The following FAAH2 variants were observed in gnomAD, a reference collection of about 807,000 sequenced individuals.
FAAH2 encodes fatty acid amide hydrolase 2.
In FAAH2, 60 loss-of-function variants were observed where a neutral mutation model predicts 36.9. The ratio of observed to expected loss-of-function variants is 1.63; its 90% CI spans 1.32 to 2.02. The LOEUF (loss-of-function observed/expected upper bound fraction) is 2.02, where lower values mean the gene tolerates loss of function less well. Among genes scored for constraint, FAAH2 ranks in the 30% most tolerant of loss-of-function variants. The probability of loss-of-function intolerance (pLI) is 0.00; values close to 1 mark genes in which losing one functional copy is unlikely to be tolerated. For synonymous variants in FAAH2, 214 were observed against 143.8 expected, an observed-to-expected ratio of 1.49 and a Z score of -3.49; for missense variants, 689 against 397.5, an observed-to-expected ratio of 1.73 and a Z score of -6.23.
intron 10 of FAAH2, among the ~76,000 whole-genome samples, chrX:57,485,035 A>G (rs1026450675): frequency 2.7e-5 from 3 of 111,856 alleles, no homozygotes; most frequent in African/African-American, 6.5e-5. Context: ...GCTCTCCAAG[A>G]GGCTCTGGGC....
chrX:57,372,941 C>T lies in FAAH2; in HGVS notation c.743-5710C>T, dbSNP rs1835694. Among the ~76,000 whole-genome samples, 9 of 110,674 alleles carry T rather than the reference C, an allele frequency of 8.1e-5. No individual in the cohort carries two copies. In the East Asian group the frequency reaches 2.6e-3, roughly 32 times the overall value. Reference sequence around the variant, plus strand: ...TTCTTATGCCTTTACATCCTCATAGCTTAGCTTCCACGTATGAGTGAAAAC... The same window carrying T: ...TTCTTATGCCTTTACATCCTCATAGTTTAGCTTCCACGTATGAGTGAAAAC... On this transcript the variant is annotated intron_variant, in intron 5 of 10. Coordinates refer to ENST00000374900, the MANE Select transcript of FAAH2 (RefSeq NM_174912.4).
At chrX:57,228,591 G>A in the FAAH2 span, among the ~76,000 whole-genome samples, 2 of 111,299 alleles carry the variant, frequency 1.8e-5, no homozygotes, top group Admixed American at 1.9e-4. Context: ...TCGATCTGGA[G>A]CTAAAATTCA....
chrX:57,325,175 C>A (rs1049384727), intron 3 of FAAH2, among the ~76,000 whole-genome samples: 2 of 111,894 alleles, frequency 1.8e-5, no homozygotes, highest in Non-Finnish European at 3.8e-5. Context: ...AGCCTTGCAT[C>A]CCAGGGATGA....
chrX:57,204,149 G>A, the FAAH2 span, among the ~76,000 whole-genome samples: 2 of 111,142 alleles, frequency 1.8e-5, no homozygotes, highest in Middle Eastern at 4.7e-3. Flanking sequence ...CGCCACCTCT[G>A]CCTGTTCTGC....
intron 3 of FAAH2, among the ~76,000 whole-genome samples, chrX:57,311,833 G>A (rs951770658): frequency 4.5e-5 from 5 of 112,042 alleles, no homozygotes; most frequent in African/African-American, 1.3e-4. Flanking sequence ...CCCTAGCACA[G>A]GCAGAACTGA....
chrX:57,216,508 A>G, the FAAH2 span, among the ~76,000 whole-genome samples: 13 of 61,196 alleles, frequency 2.1e-4, no homozygotes, highest in African/African-American at 1.2e-3. Context: ...ATATGTATAT[A>G]TATATATATA....
At chrX:57,319,321 A>G (rs1435095872) in intron 3 of FAAH2, among the ~76,000 whole-genome samples, 1 of 112,251 alleles carries the variant, frequency 8.9e-6, no homozygotes, top group Non-Finnish European at 1.9e-5. Flanking sequence ...ACTTCAGCAA[A>G]GTCTCAGGAT....
intron 8 of FAAH2, among the ~76,000 whole-genome samples, chrX:57,444,031 G>C (rs1398236348): frequency 1.8e-5 from 2 of 112,065 alleles, no homozygotes; most frequent in African/African-American, 6.5e-5. Context: ...ACTGGGAGCT[G>C]TCTCCCAGTT....
intron 7 of FAAH2, among the ~76,000 whole-genome samples, chrX:57,401,259 T>C (rs1435578952): frequency 1.8e-5 from 2 of 112,004 alleles, no homozygotes; most frequent in Middle Eastern, 4.2e-3. Flanking sequence ...CTGGCTCAAA[T>C]CTTGGGCTAG....
At chrX:57,309,435 A>G (rs192098383) in intron 2 of FAAH2, among the ~76,000 whole-genome samples, 12 of 112,315 alleles carry the variant, frequency 1.1e-4, no homozygotes, top group Admixed American at 1.0e-3. Context: ...GAAGTGCAGT[A>G]AAACTTTTAG....
chrX:57,328,891 C>T (rs2053309133), intron 3 of FAAH2, among the ~76,000 whole-genome samples: 1 of 111,432 alleles, frequency 9.0e-6, no homozygotes, highest in Non-Finnish European at 1.9e-5. Flanking sequence ...GAGGTCCCCA[C>T]TTTCTTCTCT....
intron 7 of FAAH2, among the ~76,000 whole-genome samples, chrX:57,401,807 A>C (rs937695856): frequency 9.0e-6 from 1 of 111,211 alleles, no homozygotes; most frequent in Non-Finnish European, 1.9e-5. Flanking sequence ...GGGGACAACA[A>C]ATGGGTGTTC....
At chrX:57,319,806 G>A (rs1302244035) in intron 3 of FAAH2, among the ~76,000 whole-genome samples, 3 of 111,866 alleles carry the variant, frequency 2.7e-5, no homozygotes, top group South Asian at 3.7e-4. Flanking sequence ...CAGCATAGTA[G>A]TGGAACCAAA....
the FAAH2 span, among the ~76,000 whole-genome samples, chrX:57,146,663 T>C: frequency 1.8e-5 from 2 of 112,132 alleles, no homozygotes; most frequent in Non-Finnish European, 3.8e-5. Flanking sequence ...GGAAATGCTT[T>C]CAACTTTTCT....
At chrX:57,211,151 T>G in the FAAH2 span, among the ~76,000 whole-genome samples, 1 of 111,749 alleles carries the variant, frequency 8.9e-6, no homozygotes, top group African/African-American at 3.2e-5. Context: ...CTCAATATAT[T>G]AAATATTTTA....
chrX:57,448,014 A>G (rs982734179), intron 9 of FAAH2, among the ~76,000 whole-genome samples: 4 of 111,987 alleles, frequency 3.6e-5, no homozygotes, highest in African/African-American at 1.3e-4. Context: ...CCTTTTCTGA[A>G]GGACTTGCTT....
intron 7 of FAAH2, among the ~76,000 whole-genome samples, chrX:57,413,963 T>C (rs968715285): frequency 8.9e-6 from 1 of 112,112 alleles, no homozygotes; most frequent in African/African-American, 3.2e-5. Flanking sequence ...TTTTATTCTC[T>C]TTGTACAAAT....
At chrX:57,147,717 G>A in the FAAH2 span, among the ~76,000 whole-genome samples, 621 of 111,443 alleles carry the variant, frequency 5.6e-3, 3 homozygotes, top group Non-Finnish European at 9.5e-3. Context: ...TTTCCTCTTA[G>A]CATCACTTTT....
the FAAH2 span, among the ~76,000 whole-genome samples, chrX:57,207,856 A>G: frequency 1.8e-5 from 2 of 112,853 alleles, no homozygotes; most frequent in Non-Finnish European, 3.7e-5. Flanking sequence ...ATCTACTGTG[A>G]CACTACTGGC....
Sources: allele counts gnomAD v4.1 joint callset (sites outside exome capture counted in the v4.1 genomes callset), GRCh38; gene constraint gnomAD v4.1.1; transcripts MANE v1.5; gene names NCBI Gene and HGNC (gene_info 2026-07-23, HGNC 2026-07-21).